Variants in MAST4 observed in about 807,000 individuals in gnomAD.
MAST4 encodes microtubule associated serine/threonine kinase family member 4.
In MAST4, 89 loss-of-function variants were observed where a neutral mutation model predicts 162.7. The ratio of observed to expected loss-of-function variants is 0.55; its 90% CI spans 0.46 to 0.65. MAST4 has a LOEUF of 0.65. Among genes scored for constraint, MAST4 ranks in the 30% least tolerant of loss-of-function variants. The pLI, the probability that MAST4 is intolerant of heterozygous loss-of-function variation, is 0.00. For missense variants in MAST4, 3,153 were observed against 3,374.0 expected (o/e 0.93, Z 1.62); for synonymous variants, 1,479 against 1,361.1 (o/e 1.09, Z -1.91).
intron 1 of MAST4, among the ~76,000 whole-genome samples, chr5:66,758,364 A>G (rs1011897357): frequency 7.2e-5 from 11 of 151,732 alleles, no homozygotes; most frequent in East Asian, 1.9e-4. Flanking sequence ...TAATAGTTTT[A>G]TAGAACTATT....
intron 2 of MAST4, among the ~76,000 whole-genome samples, chr5:66,764,491 A>T (rs973992020): frequency 2.0e-5 from 3 of 152,170 alleles, no homozygotes; most frequent in African/African-American, 7.2e-5. Context: ...TTGGTCAGTG[A>T]TGGGCCATAT....
chr5:66,786,155 C>T (rs962435158), intron 2 of MAST4, among the ~76,000 whole-genome samples: 4 of 152,164 alleles, frequency 2.6e-5, no homozygotes, highest in African/African-American at 7.2e-5. Context: ...AGGCGTGAGC[C>T]ACTGTACCCA....
intron 4 of MAST4, among the ~76,000 whole-genome samples, chr5:66,941,343 G>C (rs1243484542): frequency 6.6e-6 from 1 of 152,152 alleles, no homozygotes; most frequent in African/African-American, 2.4e-5. Context: ...GTTTAGTGTA[G>C]CTAGATCTTC....
Position 66,706,848 on chromosome 5 carries a change from T to C in MAST4, c.364-52861T>C, listed in dbSNP as rs374718126. 1.6e-3 allele frequency among the ~76,000 whole-genome samples: 249 copies of C among 152,322 alleles called. 1 individual carries two copies. Among genetic ancestry groups the C allele is most frequent in the African/African-American group, 5.6e-3 (233 of 41,568 alleles). On this transcript the variant is annotated intron_variant, in intron 1 of 28. Coordinates refer to ENST00000403625, the MANE Select transcript of MAST4 (RefSeq NM_001164664.2). ...ATATCTTGACTATAAGAAACTTTGCTTTTAGGCCTCATTAGAATGTTTAAT... is the reference window on the plus strand; with the variant it reads ...ATATCTTGACTATAAGAAACTTTGCCTTTAGGCCTCATTAGAATGTTTAAT...
At chr5:67,134,903 T>G (rs952330152) in intron 18 of MAST4, among the ~76,000 whole-genome samples, 2 of 152,178 alleles carry the variant, frequency 1.3e-5, no homozygotes, top group African/African-American at 4.8e-5. Flanking sequence ...GTTGTTAACA[T>G]AGAATTTGGA....
intron 1 of MAST4, among the ~76,000 whole-genome samples, chr5:66,687,496 ATATG>A (rs1227999401): frequency 4.7e-5 from 7 of 149,634 alleles, no homozygotes; most frequent in Admixed American, 1.3e-4. Flanking sequence ...ACATATATGT[ATATG>A]TATGTATACA....
intron 11 of MAST4, among the ~76,000 whole-genome samples, chr5:67,112,819 T>C (rs545870280): frequency 1.3e-5 from 2 of 152,220 alleles, no homozygotes; most frequent in South Asian, 4.1e-4. Context: ...GTGATCCACT[T>C]AACCTTCAGC....
chr5:67,162,518 G>T (rs1331099628), intron 27 of MAST4, 89 bp from the exon 28 acceptor site: 6 of 1,189,368 alleles, frequency 5.0e-6, no homozygotes, highest in African/African-American at 3.0e-5. Context: ...TCCCTCACAC[G>T]GAGTTATTGA....
At chr5:66,658,280 G>A (rs1008385526) in intron 1 of MAST4, among the ~76,000 whole-genome samples, 1 of 152,298 alleles carries the variant, frequency 6.6e-6, no homozygotes, top group Non-Finnish European at 1.5e-5. Context: ...TGATTCTTCA[G>A]CTAAACATTT....
intron 23 of MAST4, among the ~76,000 whole-genome samples, chr5:67,146,652 C>CTAAG (rs1317982561): frequency 1.3e-5 from 2 of 152,200 alleles, no homozygotes; most frequent in African/African-American, 4.8e-5. Flanking sequence ...TTCAACCTCA[C>CTAAG]TAAGAAGTTT....
At chr5:66,759,588 A>C in intron 1 of MAST4, 121 bp from the exon 2 acceptor site, 8 of 1,218,482 alleles carry the variant, frequency 6.6e-6, no homozygotes, top group Non-Finnish European at 7.9e-6. Context: ...AATTGAACAC[A>C]GTGTTGGGAG....
At chr5:66,747,360 G>T (rs1752834918) in intron 1 of MAST4, among the ~76,000 whole-genome samples, 1 of 152,072 alleles carries the variant, frequency 6.6e-6, no homozygotes, top group South Asian at 2.1e-4. Context: ...TTCTATTGAA[G>T]TTTGTGATTC....
At chr5:66,778,132 C>T (rs1409642063) in intron 2 of MAST4, among the ~76,000 whole-genome samples, 1 of 152,186 alleles carries the variant, frequency 6.6e-6, no homozygotes, top group Non-Finnish European at 1.5e-5. Context: ...TTCTCAGCAA[C>T]ACTGCTTGAT....
chr5:67,129,147 C>T (rs547824727), intron 14 of MAST4, among the ~76,000 whole-genome samples: 6 of 152,114 alleles, frequency 3.9e-5, no homozygotes, highest in Non-Finnish European at 8.8e-5. Context: ...ACACCTTGAC[C>T]GTGGGTCTGA....
chr5:66,844,047 C>T (rs1054051903), intron 3 of MAST4, among the ~76,000 whole-genome samples: 5 of 151,912 alleles, frequency 3.3e-5, no homozygotes, highest in African/African-American at 1.2e-4. Flanking sequence ...AATAGCCCTT[C>T]CCGTCATTGT....
chr5:67,083,517 T>C (rs1056329073), intron 5 of MAST4, among the ~76,000 whole-genome samples: 7 of 152,224 alleles, frequency 4.6e-5, no homozygotes, highest in African/African-American at 1.7e-4. Flanking sequence ...ACAAACAGTC[T>C]GAGAAAAACC....
chr5:66,837,474 T>C (rs1443752249), intron 3 of MAST4, among the ~76,000 whole-genome samples: 1 of 152,110 alleles, frequency 6.6e-6, no homozygotes, highest in Non-Finnish European at 1.5e-5. Context: ...AGCCTTTATG[T>C]AGTATTTAGC....
rs187997202 is a variant in MAST4, at chr5:66,647,783, G to T, written c.363+50765G>T. ...CTTTTGCCACTGGCAGGCCATAAAT[G>T]CTTCTTGAGAATTTACTATACCATT... On this transcript the variant is annotated intron_variant, in intron 1 of 28. Coordinates refer to ENST00000403625, the MANE Select transcript of MAST4 (RefSeq NM_001164664.2). Among the ~76,000 whole-genome samples, 523 of 152,142 alleles carry T rather than the reference G, an allele frequency of 3.4e-3. 4 individuals carry two copies. Among genetic ancestry groups the T allele is most frequent in the Non-Finnish European group, 4.6e-3 (310 of 67,986 alleles).
intron 4 of MAST4, among the ~76,000 whole-genome samples, chr5:66,951,678 G>A (rs1439448521): frequency 1.4e-5 from 2 of 147,132 alleles, no homozygotes; most frequent in Non-Finnish European, 3.0e-5. Flanking sequence ...ATGAACCAAT[G>A]ATAATGTTCC....
Sources: gnomAD v4.1 joint callset for allele counts (sites outside exome capture counted in the v4.1 genomes callset) on GRCh38, gnomAD v4.1.1 for gene constraint, MANE v1.5 for transcripts, NCBI Gene and HGNC (gene_info 2026-07-23, HGNC 2026-07-21) for gene names.